Variants in CSMD1 observed in about 807,000 individuals in gnomAD.
CSMD1 encodes the protein CUB and Sushi multiple domains 1.
In CSMD1, 213 loss-of-function variants were observed where a neutral mutation model predicts 417.5. The observed-to-expected ratio is 0.51, with a 90% CI of 0.46 to 0.57. The LOEUF (loss-of-function observed/expected upper bound fraction) is 0.57, where lower values mean the gene tolerates loss of function less well. CSMD1 is among the 20% of genes least tolerant of loss of function. The probability of loss-of-function intolerance (pLI) is 0.00; values close to 1 mark genes in which losing one functional copy is unlikely to be tolerated. For synonymous variants in CSMD1, 2,862 were observed against 1,736.8 expected, an observed-to-expected ratio of 1.65 and a Z score of -16.11; for missense variants, 6,923 against 4,529.7, an observed-to-expected ratio of 1.53 and a Z score of -15.17.
chr8:3,837,830 C>G (rs530783999), intron 5 of CSMD1, among the ~76,000 whole-genome samples: 7 of 152,252 alleles, frequency 4.6e-5, no homozygotes, highest in African/African-American at 1.7e-4. Context: ...TCTCTATAGT[C>G]GCAGGAAATT....
At chr8:4,183,541 G>A (rs1278824039) in intron 3 of CSMD1, among the ~76,000 whole-genome samples, 1 of 152,160 alleles carries the variant, frequency 6.6e-6, no homozygotes, top group Non-Finnish European at 1.5e-5. Flanking sequence ...TTTGTAATAT[G>A]ATAAGTCAGA....
At chr8:4,536,744 T>C (rs1363121146) in intron 2 of CSMD1, among the ~76,000 whole-genome samples, 1 of 152,226 alleles carries the variant, frequency 6.6e-6, no homozygotes, top group Admixed American at 6.5e-5. Context: ...CAACAGCATA[T>C]ATTTTTGAAT....
intron 3 of CSMD1, among the ~76,000 whole-genome samples, chr8:4,195,994 G>A (rs1484921898): frequency 6.6e-6 from 1 of 152,058 alleles, no homozygotes; most frequent in East Asian, 1.9e-4. Context: ...AGCGGATCAT[G>A]AGGTCATGCG....
At chr8:4,040,319 T>C (rs548928697) in intron 3 of CSMD1, among the ~76,000 whole-genome samples, 101 of 152,296 alleles carry the variant, frequency 6.6e-4, no homozygotes, top group Non-Finnish European at 1.2e-3. Context: ...CGTTTATATA[T>C]ATTGAGTATG....
chr8:4,879,002 A>C (rs902998251), intron 1 of CSMD1, among the ~76,000 whole-genome samples: 3 of 151,996 alleles, frequency 2.0e-5, no homozygotes, highest in African/African-American at 7.3e-5. Context: ...AGGATGGGTG[A>C]GGGCAAGGGA....
chr8:4,471,463 T>C (rs1377456254), intron 2 of CSMD1, among the ~76,000 whole-genome samples: 5 of 152,154 alleles, frequency 3.3e-5, no homozygotes, highest in Non-Finnish European at 7.4e-5. Flanking sequence ...GACAAAATCA[T>C]TCACAAGATG....
chr8:2,961,435 T>G lies in CSMD1; in HGVS notation c.9629-221A>C, dbSNP rs562774991. 2.0e-5 allele frequency among the ~76,000 whole-genome samples: 3 copies of G among 152,306 alleles called. No individual in the cohort carries two copies. In the South Asian group the frequency reaches 6.2e-4, roughly 32 times the overall value. ...TTTAGACTTTAAGTAGTTCAGTATG[T>G]TCTTCTTATATAAGAATAAGTGCAT... On this transcript the variant is annotated intron_variant, in intron 61 of 69. Coordinates refer to ENST00000635120, the MANE Select transcript of CSMD1 (RefSeq NM_033225.6).
intron 1 of CSMD1, among the ~76,000 whole-genome samples, chr8:4,986,993 G>C (rs539708909): frequency 6.6e-6 from 1 of 152,054 alleles, no homozygotes; most frequent in East Asian, 1.9e-4. Context: ...TTTATATACA[G>C]ATAAATGCAT....
chr8:4,096,913 A>G (rs1329076637), intron 3 of CSMD1, among the ~76,000 whole-genome samples: 2 of 152,320 alleles, frequency 1.3e-5, no homozygotes, highest in East Asian at 3.9e-4. Flanking sequence ...AGTTTTATAC[A>G]TAATTGCAGA....
At chr8:4,799,781 T>A (rs1798178665) in intron 1 of CSMD1, among the ~76,000 whole-genome samples, 1 of 151,914 alleles carries the variant, frequency 6.6e-6, no homozygotes, top group African/African-American at 2.4e-5. Flanking sequence ...TATAGGAATG[T>A]CTCTTTAAAA....
chr8:4,792,623 T>C (rs1027979724), intron 1 of CSMD1, among the ~76,000 whole-genome samples: 1 of 152,178 alleles, frequency 6.6e-6, no homozygotes, highest in Non-Finnish European at 1.5e-5. Flanking sequence ...GGCCCTCTTT[T>C]AGACTACTGT....
At chr8:3,351,466 C>G (rs1414214181) in intron 21 of CSMD1, among the ~76,000 whole-genome samples, 1 of 151,804 alleles carries the variant, frequency 6.6e-6, no homozygotes, top group African/African-American at 2.4e-5. Flanking sequence ...CAAAAATTAG[C>G]TAGGCGTGGT....
Position 3,795,973 on chromosome 8 carries a change from T to C in CSMD1, c.819-41931A>G, listed in dbSNP as rs1444680372. ...TATCATGTACAGATATAGATATCTATCATGTACAGATATAGATATATATCT... is the reference window on the plus strand; with the variant it reads ...TATCATGTACAGATATAGATATCTACCATGTACAGATATAGATATATATCT... On this transcript the variant is annotated intron_variant, in intron 5 of 69. Transcript: ENST00000635120. 3.4e-4 allele frequency among the ~76,000 whole-genome samples: 23 copies of C among 68,388 alleles called. 7 individuals carry two copies. The highest frequency in any genetic ancestry group is 6.7e-4 in the East Asian group (2 of 2,998). 44.9% of individuals were successfully genotyped at this position (68,388 alleles called of 152,430 possible). A position where few individuals can be genotyped will look rare whatever the true frequency, so the allele number is the denominator to read the frequency against.
At chr8:3,777,441 G>C (rs1373640216) in intron 5 of CSMD1, among the ~76,000 whole-genome samples, 4 of 152,156 alleles carry the variant, frequency 2.6e-5, no homozygotes, top group Admixed American at 6.5e-5. Context: ...CCTCAGGCAG[G>C]CTTCAAAGGG....
intron 5 of CSMD1, among the ~76,000 whole-genome samples, chr8:3,828,387 A>G (rs1221648904): frequency 6.6e-6 from 1 of 152,206 alleles, no homozygotes; most frequent in Non-Finnish European, 1.5e-5. Flanking sequence ...GTTTTGAGGA[A>G]ACTGCGTTAC....
intron 3 of CSMD1, among the ~76,000 whole-genome samples, chr8:4,292,739 A>G (rs1797443101): frequency 6.6e-6 from 1 of 152,178 alleles, no homozygotes; most frequent in South Asian, 2.1e-4. Flanking sequence ...GGCCTCTAGT[A>G]TCTTCATCAT....
At chr8:3,487,098 G>A (rs953260572) in intron 11 of CSMD1, among the ~76,000 whole-genome samples, 3 of 152,198 alleles carry the variant, frequency 2.0e-5, no homozygotes, top group Non-Finnish European at 1.5e-5. Context: ...TACTACAGGA[G>A]AAGGCTAAGA....
chr8:4,682,736 T>C (rs1806127533), intron 1 of CSMD1, among the ~76,000 whole-genome samples: 1 of 151,610 alleles, frequency 6.6e-6, no homozygotes, highest in Admixed American at 6.6e-5. Context: ...CAATATTACG[T>C]TGCTGTCTTA....
intron 3 of CSMD1, among the ~76,000 whole-genome samples, chr8:4,172,164 G>C (rs976580329): frequency 3.9e-5 from 6 of 152,078 alleles, no homozygotes; most frequent in African/African-American, 1.2e-4. Flanking sequence ...CCTAAGAGAA[G>C]TGTTTGTGCC....
Sources: allele counts gnomAD v4.1 joint callset (sites outside exome capture counted in the v4.1 genomes callset), GRCh38; gene constraint gnomAD v4.1.1; transcripts MANE v1.5; gene names NCBI Gene and HGNC (gene_info 2026-07-23, HGNC 2026-07-21).